Variants in TMEFF2 observed in about 807,000 individuals in gnomAD.
TMEFF2 encodes transmembrane protein with EGF like and two follistatin like domains 2.
In TMEFF2, 28 loss-of-function variants were observed where a neutral mutation model predicts 53.8. The ratio of observed to expected loss-of-function variants is 0.52; its 90% CI spans 0.39 to 0.71. The LOEUF (loss-of-function observed/expected upper bound fraction) is 0.71. Among genes scored for constraint, TMEFF2 ranks in the 30% least tolerant of loss-of-function variants. The pLI, the probability that TMEFF2 is intolerant of heterozygous loss-of-function variation, is 0.00. For synonymous variants in TMEFF2, 162 were observed against 166.3 expected, an observed-to-expected ratio of 0.97 and a Z score of 0.20; for missense variants, 353 against 455.2, an observed-to-expected ratio of 0.78 and a Z score of 2.04.
At chr2:191,985,479 A>G (rs1262053801) in intron 7 of TMEFF2, among the ~76,000 whole-genome samples, 1 of 143,374 alleles carries the variant, frequency 7.0e-6, no homozygotes. Context: ...ACTAGTGAAG[A>G]TAAAAAACAA....
chr2:191,975,487 A>T (rs573121528), intron 7 of TMEFF2, among the ~76,000 whole-genome samples: 2 of 151,482 alleles, frequency 1.3e-5, no homozygotes, highest in African/African-American at 4.8e-5. Context: ...TAGTTTCTCC[A>T]GTTCTCAAAT....
At chr2:192,169,220 C>A (rs1156937961) in intron 4 of TMEFF2, among the ~76,000 whole-genome samples, 2 of 152,068 alleles carry the variant, frequency 1.3e-5, no homozygotes, top group African/African-American at 4.8e-5. Flanking sequence ...GTAGTCCAAC[C>A]AGAAGATTGA....
At chr2:192,090,544 T>A (rs985755288) in intron 4 of TMEFF2, among the ~76,000 whole-genome samples, 1 of 152,114 alleles carries the variant, frequency 6.6e-6, no homozygotes, top group Non-Finnish European at 1.5e-5. Flanking sequence ...CATCTTGCCA[T>A]CCCTAGTCTC....
intron 4 of TMEFF2, among the ~76,000 whole-genome samples, chr2:192,099,945 A>T (rs559344506): frequency 6.6e-6 from 1 of 152,206 alleles, no homozygotes; most frequent in South Asian, 2.1e-4. Flanking sequence ...AGATCACCCC[A>T]TATCTTGGCC....
At position 192,082,474 on chromosome 2, in the gene TMEFF2, C is replaced by T. The variant is rs73043791; in HGVS notation, c.440-24699G>A. Reference sequence around the variant, plus strand: ...ATCCAATTTTCAATGCTACCAAAAACAAATGAATATGGAGACTTATTGCAA... The same window carrying T: ...ATCCAATTTTCAATGCTACCAAAAATAAATGAATATGGAGACTTATTGCAA... On this transcript the variant is annotated intron_variant, in intron 4 of 9. Coordinates refer to ENST00000272771, the MANE Select transcript of TMEFF2 (RefSeq NM_016192.4). Among the ~76,000 whole-genome samples, 650 of 152,304 alleles carry T rather than the reference C, an allele frequency of 4.3e-3. 4 individuals carry two copies. The highest frequency in any genetic ancestry group is 0.015 in the African/African-American group (615 of 41,572).
At chr2:192,058,755 A>C (rs767621585) in intron 4 of TMEFF2, among the ~76,000 whole-genome samples, 1 of 152,212 alleles carries the variant, frequency 6.6e-6, no homozygotes, top group South Asian at 2.1e-4. Context: ...GATCATATAC[A>C]TTTAAAAACA....
intron 4 of TMEFF2, among the ~76,000 whole-genome samples, chr2:192,098,544 C>A (rs1688965581): frequency 1.3e-5 from 2 of 152,178 alleles, no homozygotes; most frequent in African/African-American, 4.8e-5. Flanking sequence ...AAGGGAGAAC[C>A]AAGGTACTAC....
At chr2:192,023,678 CTGTCTGTT>C (rs772273027) in intron 5 of TMEFF2, among the ~76,000 whole-genome samples, 32 of 152,052 alleles carry the variant, frequency 2.1e-4, no homozygotes, top group Non-Finnish European at 4.0e-4. Context: ...ATATCTCTGT[CTGTCTGTT>C]TGTTTATCTT....
At chr2:191,981,583 A>AT (rs1329876931) in intron 7 of TMEFF2, among the ~76,000 whole-genome samples, 1 of 152,188 alleles carries the variant, frequency 6.6e-6, no homozygotes, top group East Asian at 1.9e-4. Flanking sequence ...TGTTTCTATT[A>AT]TTTCTACTTT....
At chr2:192,185,391 T>TA (rs1296831755) in intron 2 of TMEFF2, among the ~76,000 whole-genome samples, 1 of 152,018 alleles carries the variant, frequency 6.6e-6, no homozygotes, top group Non-Finnish European at 1.5e-5. Flanking sequence ...TGTTTAATTA[T>TA]AAAAAATATA....
At chr2:192,182,500 G>C (rs1349535768) in intron 3 of TMEFF2, among the ~76,000 whole-genome samples, 4 of 151,938 alleles carry the variant, frequency 2.6e-5, no homozygotes, top group Non-Finnish European at 5.9e-5. Context: ...TTTCTACTTG[G>C]CTAAGTATTT....
intron 5 of TMEFF2, among the ~76,000 whole-genome samples, chr2:192,003,929 G>T (rs1686431211): frequency 8.5e-6 from 1 of 117,482 alleles, no homozygotes; most frequent in Non-Finnish European, 1.8e-5. Context: ...GTGTGTGTGT[G>T]GGGGGGGGGC....
In TMEFF2 at chr2:192,019,095, A is replaced by C. The variant is rs1357779708; in HGVS notation, c.537-19887T>G. ...AAATAAAACGAATAAATAAAAGTAA[A>C]TAAATAGTTGCTATTTTTCTATTAG... On this transcript the variant is annotated intron_variant, in intron 5 of 9. Transcript: ENST00000272771. Among the ~76,000 whole-genome samples, 3 of 152,096 alleles carry C rather than the reference A, an allele frequency of 2.0e-5. No homozygotes were observed. In the East Asian group the frequency reaches 5.8e-4, roughly 29 times the overall value.
At chr2:192,079,803 G>A (rs1352428910) in intron 4 of TMEFF2, among the ~76,000 whole-genome samples, 1 of 151,896 alleles carries the variant, frequency 6.6e-6, no homozygotes, top group Non-Finnish European at 1.5e-5. Flanking sequence ...ACCCAAACAT[G>A]TGTATTGCTT....
chr2:192,027,471 A>C (rs748065838), intron 5 of TMEFF2, among the ~76,000 whole-genome samples: 2 of 152,226 alleles, frequency 1.3e-5, no homozygotes, highest in African/African-American at 2.4e-5. Context: ...ATGAGTAACT[A>C]TATAGAGAGT....
chr2:192,098,949 G>A (rs759821942), intron 4 of TMEFF2, among the ~76,000 whole-genome samples: 4 of 152,074 alleles, frequency 2.6e-5, no homozygotes, highest in Non-Finnish European at 4.4e-5. Context: ...ACTTAATGGC[G>A]TTGGTTTTTT....
chr2:192,134,310 T>C (rs1272135335), intron 4 of TMEFF2, among the ~76,000 whole-genome samples: 1 of 152,156 alleles, frequency 6.6e-6, no homozygotes, highest in African/African-American at 2.4e-5. Flanking sequence ...TCCCCATGAC[T>C]GCATCTCTCT....
chr2:192,189,600 GAGAA>G (rs1255151279), intron 2 of TMEFF2, among the ~76,000 whole-genome samples: 2 of 132,598 alleles, frequency 1.5e-5, no homozygotes, highest in African/African-American at 2.8e-5. Flanking sequence ...AAAGGCAGCA[GAGAA>G]AGAAACAGAA....
chr2:191,952,858 C>A (rs1384825157), intron 9 of TMEFF2, among the ~76,000 whole-genome samples: 1 of 152,174 alleles, frequency 6.6e-6, no homozygotes, highest in African/African-American at 2.4e-5. Context: ...AAAGTCTAAA[C>A]GCCTTGTGAA....
Sources: allele counts gnomAD v4.1 joint callset (sites outside exome capture counted in the v4.1 genomes callset), GRCh38; gene constraint gnomAD v4.1.1; transcripts MANE v1.5; gene names NCBI Gene and HGNC (gene_info 2026-07-23, HGNC 2026-07-21).